SOX6: variants seen among roughly 807,000 people sequenced by gnomAD.
SOX6 encodes SRY-box transcription factor 6, also known as transcription factor SOX-6.
In SOX6, 11 loss-of-function variants were observed where a neutral mutation model predicts 97.8. That is an observed-to-expected ratio of 0.11 (90% CI 0.07 to 0.19). SOX6 has a LOEUF of 0.19. SOX6 is among the 10% of genes least tolerant of loss of function. The pLI is 1.00. For synonymous variants in SOX6, 360 were observed against 371.4 expected, an observed-to-expected ratio of 0.97 and a Z score of 0.35; for missense variants, 810 against 1,039.5, an observed-to-expected ratio of 0.78 and a Z score of 3.04.
chr11:16,573,327 T>C (rs1216893097), intron 4 of SOX6, among the ~76,000 whole-genome samples: 1 of 152,210 alleles, frequency 6.6e-6, no homozygotes, highest in African/African-American at 2.4e-5. Context: ...GAATAAATTA[T>C]ATTTTAATGT....
intron 3 of SOX6, among the ~76,000 whole-genome samples, chr11:16,262,866 T>A (rs1280948491): frequency 6.6e-6 from 1 of 151,946 alleles, no homozygotes; most frequent in Non-Finnish European, 1.5e-5. Context: ...AGCAAAATAG[T>A]TAGTGGCTGA....
At chr11:16,657,924 T>C (rs954238967) in intron 3 of SOX6, among the ~76,000 whole-genome samples, 1 of 152,250 alleles carries the variant, frequency 6.6e-6, no homozygotes, top group East Asian at 1.9e-4. Context: ...ATCCATGTTA[T>C]AGCACATAAT....
intron 2 of SOX6, among the ~76,000 whole-genome samples, chr11:16,319,005 T>C (rs575605893): frequency 6.6e-6 from 1 of 152,312 alleles, no homozygotes; most frequent in Admixed American, 6.5e-5. Context: ...ATTCAATGAC[T>C]AATTATTAGG....
intron 4 of SOX6, among the ~76,000 whole-genome samples, chr11:16,197,679 G>T (rs549821963): frequency 6.6e-6 from 1 of 152,262 alleles, no homozygotes; most frequent in South Asian, 2.1e-4. Flanking sequence ...TATCTCATCA[G>T]TGTATTATGA....
chr11:15,985,618 A>T (rs953207762), intron 15 of SOX6, among the ~76,000 whole-genome samples: 5 of 152,248 alleles, frequency 3.3e-5, no homozygotes, highest in African/African-American at 1.2e-4. Flanking sequence ...AAACAAAATG[A>T]CATGAAATCA....
At chr11:16,138,283 C>T (rs1162729579) in intron 6 of SOX6, among the ~76,000 whole-genome samples, 2 of 152,122 alleles carry the variant, frequency 1.3e-5, no homozygotes, top group Non-Finnish European at 2.9e-5. Flanking sequence ...CATCATTTTG[C>T]CCCTTTACAG....
chr11:16,168,093 T>C (rs1035916802), intron 6 of SOX6, among the ~76,000 whole-genome samples: 3 of 152,148 alleles, frequency 2.0e-5, no homozygotes, highest in African/African-American at 7.2e-5. Context: ...GGAAGAATAT[T>C]CTGGAATAGA....
intron 4 of SOX6, among the ~76,000 whole-genome samples, chr11:16,198,707 T>C (rs1851856241): frequency 6.6e-6 from 1 of 152,150 alleles, no homozygotes; most frequent in Non-Finnish European, 1.5e-5. Context: ...TTAAACGTAA[T>C]ACTTTAAAAG....
chr11:16,022,307 T>TTTCC (rs1296636394), intron 12 of SOX6, among the ~76,000 whole-genome samples: 7 of 141,304 alleles, frequency 5.0e-5, no homozygotes, highest in East Asian at 2.3e-4. Flanking sequence ...ATGCTTTGTT[T>TTTCC]TTCCTTCCTT....
At chr11:16,087,282 C>A (rs1848599392) in intron 9 of SOX6, among the ~76,000 whole-genome samples, 2 of 152,046 alleles carry the variant, frequency 1.3e-5, no homozygotes, top group South Asian at 4.1e-4. Flanking sequence ...TAATACTACT[C>A]ATGTTTCTTT....
chr11:16,353,294 C>T (rs958993527), intron 1 of SOX6, among the ~76,000 whole-genome samples: 1 of 151,964 alleles, frequency 6.6e-6, no homozygotes, highest in African/African-American at 2.4e-5. Context: ...ACACACTACC[C>T]GTCTAGAGCT....
intron 9 of SOX6, among the ~76,000 whole-genome samples, chr11:16,079,509 T>G (rs1236654874): frequency 6.6e-6 from 1 of 152,056 alleles, no homozygotes; most frequent in African/African-American, 2.4e-5. Context: ...CAAACAAAAA[T>G]CATGCTAATG....
intron 1 of SOX6, among the ~76,000 whole-genome samples, chr11:16,430,394 T>A (rs568359526): frequency 2.2e-4 from 34 of 152,348 alleles, no homozygotes; most frequent in African/African-American, 7.7e-4. Flanking sequence ...TCTGGATTAC[T>A]GCAAAAGCCT....
In SOX6 at chr11:16,711,357, C is replaced by T. The variant is rs191888794; in HGVS notation, n.429+3473G>A. On this transcript the variant is annotated intron_variant and non_coding_transcript_variant, in intron 3 of 5. Coordinates refer to the SOX6 transcript ENST00000524520. ...TAGCCTGGGCAACATGAGGAAACCC[C>T]GTCTCTACAAGAAAAAAAAATGTTA... Among the ~76,000 whole-genome samples the T allele has an allele frequency of 6.9e-3, 1,048 of 152,112 alleles. 9 individuals carry two copies. Among genetic ancestry groups the T allele is most frequent in the African/African-American group, 0.024 (999 of 41,484 alleles).
chr11:16,464,056 T>C (rs1859983303), intron 1 of SOX6, among the ~76,000 whole-genome samples: 1 of 152,198 alleles, frequency 6.6e-6, no homozygotes, highest in Admixed American at 6.5e-5. Context: ...TATCTCACTG[T>C]AAGAGATCTT....
At chr11:16,719,840 C>T (rs376737429) in intron 2 of SOX6, among the ~76,000 whole-genome samples, 2 of 152,034 alleles carry the variant, frequency 1.3e-5, no homozygotes, top group Non-Finnish European at 2.9e-5. Context: ...GACAGGATTG[C>T]TTGATCCCAG....
At chr11:16,529,358 A>G (rs559091343) in intron 4 of SOX6, among the ~76,000 whole-genome samples, 156 of 152,232 alleles carry the variant, frequency 1.0e-3, no homozygotes, top group Middle Eastern at 3.4e-3. Context: ...GTGATACAGT[A>G]CATTACTACT....
At chr11:16,174,597 T>C (rs1045716675) in intron 6 of SOX6, among the ~76,000 whole-genome samples, 3 of 151,894 alleles carry the variant, frequency 2.0e-5, no homozygotes, top group Non-Finnish European at 4.4e-5. Context: ...ACATAGTATA[T>C]CAATTTTTAT....
chr11:16,353,900 C>T (rs1394138532), intron 1 of SOX6, among the ~76,000 whole-genome samples: 3 of 151,986 alleles, frequency 2.0e-5, no homozygotes, highest in Non-Finnish European at 2.9e-5. Flanking sequence ...CTCCACCTCA[C>T]GATTTCCCAA....
Sources: allele counts gnomAD v4.1 joint callset (sites outside exome capture counted in the v4.1 genomes callset), GRCh38; gene constraint gnomAD v4.1.1; transcripts MANE v1.5; gene names NCBI Gene and HGNC (gene_info 2026-07-23, HGNC 2026-07-21).